Variants in NBAS observed in about 807,000 individuals in gnomAD.
NBAS encodes the protein NBAS subunit of NRZ tethering complex.
In NBAS, 219 loss-of-function variants were observed where a neutral mutation model predicts 302.5. The ratio of observed to expected loss-of-function variants is 0.72; its 90% CI spans 0.65 to 0.81. The LOEUF (loss-of-function observed/expected upper bound fraction) is 0.81, where lower values mean the gene tolerates loss of function less well. Among genes scored for constraint, NBAS ranks in the 30% least tolerant of loss-of-function variants. The pLI is 0.00. For synonymous variants in NBAS, 1,118 were observed against 1,021.6 expected, an observed-to-expected ratio of 1.09 and a Z score of -1.80; for missense variants, 2,932 against 2,841.6, an observed-to-expected ratio of 1.03 and a Z score of -0.72.
intron 32 of NBAS, among the ~76,000 whole-genome samples, chr2:15,357,339 T>A (rs1453350598): frequency 6.6e-6 from 1 of 152,180 alleles, no homozygotes; most frequent in East Asian, 1.9e-4. Flanking sequence ...CCCATCACAC[T>A]CACTCAGAAG....
intron 6 of NBAS, among the ~76,000 whole-genome samples, chr2:15,545,269 T>G (rs11901328): frequency 3.9e-5 from 6 of 152,178 alleles, no homozygotes; most frequent in African/African-American, 1.4e-4. Flanking sequence ...AATTTCCACC[T>G]TCCATCTATA....
chr2:14,991,187 C>T, the NBAS span, among the ~76,000 whole-genome samples: 1 of 152,020 alleles, frequency 6.6e-6, no homozygotes, highest in Admixed American at 6.6e-5. Context: ...AAGTGATACC[C>T]AGCTCTAGTC....
intron 44 of NBAS, among the ~76,000 whole-genome samples, chr2:15,266,442 T>C (rs1669080767): frequency 1.3e-5 from 2 of 152,122 alleles, no homozygotes; most frequent in Non-Finnish European, 2.9e-5. Context: ...ACTTTGTACC[T>C]TACCCTCTCT....
At chr2:15,113,320 C>CGTGTGT in the NBAS span, among the ~76,000 whole-genome samples, 13,807 of 129,736 alleles carry the variant, frequency 0.11, 930 homozygotes, top group Admixed American at 0.15. Flanking sequence ...GGTATGAACT[C>CGTGTGT]GTGTGTGTGT....
At chr2:15,007,135 T>C in the NBAS span, among the ~76,000 whole-genome samples, 1 of 152,230 alleles carries the variant, frequency 6.6e-6, no homozygotes, top group African/African-American at 2.4e-5. Flanking sequence ...CAAGGGCATT[T>C]TTAATACATG....
intron 9 of NBAS, among the ~76,000 whole-genome samples, chr2:15,518,143 A>C (rs932424022): frequency 6.6e-6 from 1 of 152,086 alleles, no homozygotes; most frequent in Non-Finnish European, 1.5e-5. Context: ...AAAAAAAAAA[A>C]AAACAGTGAA....
At chr2:15,256,982 G>T (rs1668629233) in intron 44 of NBAS, among the ~76,000 whole-genome samples, 1 of 152,114 alleles carries the variant, frequency 6.6e-6, no homozygotes, top group South Asian at 2.1e-4. Flanking sequence ...TTGCATCTAT[G>T]ATCATCAGGG....
intron 9 of NBAS, among the ~76,000 whole-genome samples, chr2:15,514,542 A>G (rs1281761560): frequency 6.6e-6 from 1 of 152,120 alleles, no homozygotes; most frequent in Non-Finnish European, 1.5e-5. Flanking sequence ...TCAATAAACT[A>G]TAACAATATC....
the NBAS span, among the ~76,000 whole-genome samples, chr2:14,895,705 A>C: frequency 1.3e-5 from 2 of 150,102 alleles, no homozygotes; most frequent in Admixed American, 6.7e-5. Context: ...GCGCCACCGC[A>C]CTCCAGCCTG....
chr2:15,391,503 A>G (rs1675603097), intron 28 of NBAS, among the ~76,000 whole-genome samples: 1 of 152,148 alleles, frequency 6.6e-6, no homozygotes, highest in South Asian at 2.1e-4. Flanking sequence ...AAAAATACCG[A>G]AGAATATTAA....
the NBAS span, among the ~76,000 whole-genome samples, chr2:14,950,014 T>C: frequency 2.6e-5 from 4 of 152,208 alleles, no homozygotes; most frequent in African/African-American, 9.7e-5. Context: ...CAGTAATCTA[T>C]TGTACATACT....
At chr2:15,053,849 A>T in the NBAS span, among the ~76,000 whole-genome samples, 1 of 152,144 alleles carries the variant, frequency 6.6e-6, no homozygotes, top group Non-Finnish European at 1.5e-5. Flanking sequence ...GAAGGAAGGA[A>T]GGAAAAGGAG....
At chr2:14,969,074 C>T in the NBAS span, among the ~76,000 whole-genome samples, 3 of 152,024 alleles carry the variant, frequency 2.0e-5, no homozygotes, top group Admixed American at 6.6e-5. Flanking sequence ...AAACGTTATG[C>T]TAAGTAATAG....
At chr2:14,973,239 C>T in the NBAS span, among the ~76,000 whole-genome samples, 17,650 of 152,188 alleles carry the variant, frequency 0.12, 1,336 homozygotes, top group Non-Finnish European at 0.18. Flanking sequence ...CCTGAAGTGA[C>T]CACCTGTTGA....
At chr2:15,496,412 C>A (rs1272189219) in intron 11 of NBAS, among the ~76,000 whole-genome samples, 4 of 152,102 alleles carry the variant, frequency 2.6e-5, no homozygotes, top group Non-Finnish European at 5.9e-5. Context: ...GAAATCATTG[C>A]ACAGTTCTGT....
At chr2:14,829,220 A>G in the NBAS span, among the ~76,000 whole-genome samples, 1 of 152,142 alleles carries the variant, frequency 6.6e-6, no homozygotes, top group African/African-American at 2.4e-5. Context: ...CACTGAACTC[A>G]GCTGCTCAGG....
At chr2:15,430,069 A>C (rs1375058330) in intron 21 of NBAS, among the ~76,000 whole-genome samples, 2 of 152,188 alleles carry the variant, frequency 1.3e-5, no homozygotes, top group Non-Finnish European at 2.9e-5. Flanking sequence ...TGGCTCCTTA[A>C]GCTACATAAA....
the NBAS span, among the ~76,000 whole-genome samples, chr2:14,911,588 C>T: frequency 7.2e-4 from 110 of 152,274 alleles, no homozygotes; most frequent in Non-Finnish European, 1.4e-3. Context: ...CTACAATCTC[C>T]GAGACATGGT....
intron 9 of NBAS, among the ~76,000 whole-genome samples, chr2:15,528,996 C>T (rs1416996522): frequency 6.6e-5 from 10 of 151,246 alleles, no homozygotes; most frequent in African/African-American, 2.2e-4. Flanking sequence ...CTCCCCCAAC[C>T]GCTAACATGG....
Sources: gnomAD v4.1 joint callset for allele counts (sites outside exome capture counted in the v4.1 genomes callset) on GRCh38, gnomAD v4.1.1 for gene constraint, MANE v1.5 for transcripts, NCBI Gene and HGNC (gene_info 2026-07-23, HGNC 2026-07-21) for gene names.